The following HCN1 variants were observed in gnomAD, a reference collection of about 807,000 sequenced individuals.
HCN1 encodes potassium/sodium hyperpolarization-activated cyclic nucleotide-gated channel 1.
HCN1 carries 13 observed loss-of-function variants against 78.9 expected under a neutral mutation model. The observed-to-expected ratio is 0.16, with a 90% CI of 0.11 to 0.26. The LOEUF (loss-of-function observed/expected upper bound fraction) is 0.26, where lower values mean the gene tolerates loss of function less well. Ranked by LOEUF, HCN1 falls within the 10% of genes least tolerant of loss-of-function variation. The pLI, the probability that HCN1 is intolerant of heterozygous loss-of-function variation, is 1.00. For missense variants in HCN1, 810 were observed against 1,154.3 expected (o/e 0.70, Z 4.32); for synonymous variants, 552 against 455.5 (o/e 1.21, Z -2.70).
intron 5 of HCN1, among the ~76,000 whole-genome samples, chr5:45,314,338 G>T (rs1188297354): frequency 6.6e-6 from 1 of 152,072 alleles, no homozygotes; most frequent in Non-Finnish European, 1.5e-5. Context: ...CACCAGGCCT[G>T]CCCTACAAGA....
intron 3 of HCN1, among the ~76,000 whole-genome samples, chr5:45,437,910 T>A (rs1408562998): frequency 6.6e-6 from 1 of 152,196 alleles, no homozygotes; most frequent in Non-Finnish European, 1.5e-5. Flanking sequence ...TCTGAAGGGC[T>A]GGAGGATCCA....
Position 45,691,249 on chromosome 5 carries a change from A to G in HCN1, c.425+4420T>C, listed in dbSNP as rs148173101. Among the ~76,000 whole-genome samples the G allele has an allele frequency of 1.3e-4, 20 of 152,248 alleles. No homozygotes were observed. In the East Asian group the frequency reaches 3.5e-3, roughly 26 times the overall value. On this transcript the variant is annotated intron_variant, in intron 1 of 7. Transcript: ENST00000303230. Reference sequence around the variant, plus strand: ...CATAAACCCAAGTCCACATAATTAAATATGATTAGTAAAGTGTACCTCTTT... The same window carrying G: ...CATAAACCCAAGTCCACATAATTAAGTATGATTAGTAAAGTGTACCTCTTT...
intron 2 of HCN1, among the ~76,000 whole-genome samples, chr5:45,545,673 C>G (rs1743202874): frequency 6.6e-6 from 1 of 152,136 alleles, no homozygotes; most frequent in Non-Finnish European, 1.5e-5. Flanking sequence ...TATGGCTAGC[C>G]AGTTTTCCCA....
intron 1 of HCN1, among the ~76,000 whole-genome samples, chr5:45,684,346 G>A (rs1189304271): frequency 6.6e-6 from 1 of 152,058 alleles, no homozygotes; most frequent in Non-Finnish European, 1.5e-5. Context: ...CCATAACTTG[G>A]TGCTTCTAGC....
chr5:45,385,031 A>G (rs1440163255), intron 4 of HCN1, among the ~76,000 whole-genome samples: 1 of 152,188 alleles, frequency 6.6e-6, no homozygotes, highest in Non-Finnish European at 1.5e-5. Context: ...ATTTGTGTCA[A>G]TATTGTCTAC....
Position 45,285,086 on chromosome 5 carries a change from G to T in HCN1, c.1619-17833C>A, listed in dbSNP as rs151158939. ...GGAGAGATTCCAGATCATCAGAAATGAGTTTCCTGAGGTGAAGGAGCAGAA... is the reference window on the plus strand; with the variant it reads ...GGAGAGATTCCAGATCATCAGAAATTAGTTTCCTGAGGTGAAGGAGCAGAA... On this transcript the variant is annotated intron_variant, in intron 6 of 7. Coordinates refer to ENST00000303230, the MANE Select transcript of HCN1 (RefSeq NM_021072.4). Among the ~76,000 whole-genome samples the T allele has an allele frequency of 2.6e-5, 4 of 152,146 alleles. No homozygotes were observed. In the East Asian group the frequency reaches 7.7e-4, roughly 29 times the overall value.
At chr5:45,573,883 G>C (rs770699343) in intron 2 of HCN1, among the ~76,000 whole-genome samples, 45 of 151,742 alleles carry the variant, frequency 3.0e-4, no homozygotes, top group Admixed American at 7.2e-4. Context: ...TAAGCTTTCT[G>C]AACAAAAAAA....
intron 2 of HCN1, among the ~76,000 whole-genome samples, chr5:45,528,191 T>A (rs1197518393): frequency 6.6e-6 from 1 of 151,940 alleles, no homozygotes; most frequent in East Asian, 1.9e-4. Flanking sequence ...TCTGGAAGAA[T>A]ACTTTTCCTT....
In HCN1 at chr5:45,315,303, C is replaced by G. The variant is rs1002212791; in HGVS notation, c.1378-11464G>C. Among the ~76,000 whole-genome samples, 3 of 152,254 alleles carry G rather than the reference C, an allele frequency of 2.0e-5. No homozygotes were observed. In the South Asian group the frequency reaches 6.2e-4, roughly 32 times the overall value. Reference sequence around the variant, plus strand: ...CTACATGGAAATGGAACAACCTGCTCCTGAATGACTACTGGGTACACAGCG... The same window carrying G: ...CTACATGGAAATGGAACAACCTGCTGCTGAATGACTACTGGGTACACAGCG... On this transcript the variant is annotated intron_variant, in intron 5 of 7. Coordinates refer to ENST00000303230, the MANE Select transcript of HCN1 (RefSeq NM_021072.4).
chr5:45,551,296 A>G (rs948384251), intron 2 of HCN1, among the ~76,000 whole-genome samples: 2 of 151,880 alleles, frequency 1.3e-5, no homozygotes, highest in Non-Finnish European at 2.9e-5. Flanking sequence ...AAAATATATT[A>G]TGCTCTTATC....
chr5:45,641,476 T>G (rs879040709), intron 2 of HCN1, among the ~76,000 whole-genome samples: 1 of 152,166 alleles, frequency 6.6e-6, no homozygotes, highest in African/African-American at 2.4e-5. Context: ...CAGGCCCTCT[T>G]TCCTGTCCCA....
chr5:45,490,039 T>G (rs1235608979), intron 2 of HCN1, among the ~76,000 whole-genome samples: 1 of 152,194 alleles, frequency 6.6e-6, no homozygotes, highest in Non-Finnish European at 1.5e-5. Context: ...CTGACAATAC[T>G]TTTTGGATAA....
intron 4 of HCN1, among the ~76,000 whole-genome samples, chr5:45,382,370 C>T (rs930361853): frequency 3.3e-5 from 5 of 152,044 alleles, no homozygotes; most frequent in African/African-American, 1.2e-4. Context: ...ACCCTCAGTA[C>T]CTAGAAAAGA....
intron 2 of HCN1, among the ~76,000 whole-genome samples, chr5:45,495,320 C>A (rs1221479360): frequency 7.5e-6 from 1 of 134,116 alleles, no homozygotes; most frequent in Admixed American, 8.0e-5. Context: ...CTTCACATCC[C>A]TTGTAAGTTG....
At chr5:45,443,193 T>C (rs2111573276) in intron 3 of HCN1, among the ~76,000 whole-genome samples, 1 of 152,174 alleles carries the variant, frequency 6.6e-6, no homozygotes, top group Non-Finnish European at 1.5e-5. Context: ...TGTAGTATGC[T>C]ACGAAGAGGC....
chr5:45,505,112 T>C (rs28824810), intron 2 of HCN1, among the ~76,000 whole-genome samples: 8,393 of 152,100 alleles, frequency 0.055, 306 homozygotes, highest in East Asian at 0.15. Flanking sequence ...TTAATTAGAT[T>C]CCGTTTGTCA....
intron 2 of HCN1, among the ~76,000 whole-genome samples, chr5:45,525,997 A>G (rs960288534): frequency 6.6e-6 from 1 of 151,970 alleles, no homozygotes; most frequent in Non-Finnish European, 1.5e-5. Flanking sequence ...AGGTGAGAAT[A>G]CAGTGAGAAG....
chr5:45,631,729 A>G (rs1299766761), intron 2 of HCN1, among the ~76,000 whole-genome samples: 1 of 152,150 alleles, frequency 6.6e-6, no homozygotes, highest in Non-Finnish European at 1.5e-5. Context: ...TGTAACAATA[A>G]CATTCTTTGC....
At chr5:45,564,873 AG>A (rs1743675881) in intron 2 of HCN1, among the ~76,000 whole-genome samples, 1 of 152,090 alleles carries the variant, frequency 6.6e-6, no homozygotes, top group Non-Finnish European at 1.5e-5. Flanking sequence ...AAAAGCATAA[AG>A]GGATTCGTTG....
Sources: allele counts gnomAD v4.1 joint callset (sites outside exome capture counted in the v4.1 genomes callset), GRCh38; gene constraint gnomAD v4.1.1; transcripts MANE v1.5; gene names NCBI Gene and HGNC (gene_info 2026-07-23, HGNC 2026-07-21).